The following PTBP3 variants were observed in gnomAD, a reference collection of about 807,000 sequenced individuals.
PTBP3 encodes the protein polypyrimidine tract binding protein 3.
A neutral mutation model predicts 58.7 loss-of-function variants in PTBP3; 20 were observed. The ratio of observed to expected loss-of-function variants is 0.34; its 90% CI spans 0.24 to 0.50. PTBP3 has a LOEUF of 0.50. Ranked by LOEUF, PTBP3 falls within the 20% of genes least tolerant of loss-of-function variation. The pLI, the probability that PTBP3 is intolerant of heterozygous loss-of-function variation, is 0.98. For synonymous variants in PTBP3, 185 were observed against 219.8 expected (o/e 0.84, Z 1.40); for missense variants, 509 against 637.2 (o/e 0.80, Z 2.17).
chr9:112,240,301 T>C (rs1329865872), intron 7 of PTBP3, among the ~76,000 whole-genome samples: 1 of 152,142 alleles, frequency 6.6e-6, no homozygotes, highest in Non-Finnish European at 1.5e-5. Flanking sequence ...ATTATGTATA[T>C]CTATCTATGT....
chr9:112,275,652 A>C (rs1307434952), intron 3 of PTBP3, among the ~76,000 whole-genome samples, 192 bp downstream of exon 3: 2 of 152,172 alleles, frequency 1.3e-5, no homozygotes, highest in Non-Finnish European at 2.9e-5. Flanking sequence ...TGGATAAGAG[A>C]AATCCTGTTT....
At chr9:112,307,548 C>T (rs762464585) in intron 1 of PTBP3, among the ~76,000 whole-genome samples, 1 of 152,128 alleles carries the variant, frequency 6.6e-6, no homozygotes, top group Non-Finnish European at 1.5e-5. Flanking sequence ...GTTTCTGAAG[C>T]AATTATGACA....
At chr9:112,333,135 C>T in intron 1 of PTBP3, 14 of 1,248,268 alleles carry the variant, frequency 1.1e-5, no homozygotes, top group South Asian at 3.0e-5. Flanking sequence ...GGAGGCCGAG[C>T]TGGGCTCCCC....
At chr9:112,365,116 C>T in the PTBP3 span, among the ~76,000 whole-genome samples, 1 of 152,192 alleles carries the variant, frequency 6.6e-6, no homozygotes, top group Non-Finnish European at 1.5e-5. Flanking sequence ...GACAGGATTT[C>T]TTTCTTCTTT....
the PTBP3 span, among the ~76,000 whole-genome samples, chr9:112,345,151 A>G: frequency 6.6e-6 from 1 of 151,910 alleles, no homozygotes; most frequent in Non-Finnish European, 1.5e-5. Context: ...AGAGCTATAT[A>G]CTTTAAAATG....
intron 1 of PTBP3, among the ~76,000 whole-genome samples, chr9:112,315,294 C>T (rs1190368124): frequency 6.7e-6 from 1 of 149,672 alleles, no homozygotes; most frequent in Non-Finnish European, 1.5e-5. Context: ...AAGTAGTAAG[C>T]TTTAAAAAAA....
the PTBP3 span, among the ~76,000 whole-genome samples, chr9:112,352,119 C>T: frequency 2.0e-5 from 3 of 151,962 alleles, no homozygotes; most frequent in African/African-American, 7.3e-5. Context: ...AAGGGTCTCA[C>T]CATGTTGCCC....
At chr9:112,233,270 A>AGG (rs1303781431) in intron 8 of PTBP3, among the ~76,000 whole-genome samples, 2 of 99,696 alleles carry the variant, frequency 2.0e-5, no homozygotes, top group Non-Finnish European at 3.8e-5. Context: ...GCTACACTGT[A>AGG]GGGTGTGTGT....
intron 7 of PTBP3, among the ~76,000 whole-genome samples, chr9:112,248,233 T>C (rs1835963800): frequency 6.6e-6 from 1 of 152,048 alleles, no homozygotes; most frequent in African/African-American, 2.4e-5. Flanking sequence ...AAAAGTATCA[T>C]TAAGAGAATA....
At chr9:112,365,945 G>C in the PTBP3 span, among the ~76,000 whole-genome samples, 2 of 152,150 alleles carry the variant, frequency 1.3e-5, no homozygotes, top group South Asian at 4.1e-4. Flanking sequence ...GTGACAATGC[G>C]ATAGAAAAGA....
chr9:112,285,319 A>G (rs1828066323), intron 2 of PTBP3, among the ~76,000 whole-genome samples: 1 of 152,198 alleles, frequency 6.6e-6, no homozygotes, highest in African/African-American at 2.4e-5. Context: ...CATGATTGTA[A>G]GTTTCCTGAG....
At chr9:112,232,360 T>C in intron 8 of PTBP3, 122 bp from the exon 9 acceptor site, 1 of 1,060,782 alleles carries the variant, frequency 9.4e-7, no homozygotes, top group Non-Finnish European at 1.3e-6. Context: ...AAGGCTACCA[T>C]AAAGATACTG....
chr9:112,367,638 G>T, the PTBP3 span, among the ~76,000 whole-genome samples: 1 of 152,122 alleles, frequency 6.6e-6, no homozygotes, highest in Admixed American at 6.5e-5. Flanking sequence ...GGCCTGCAAG[G>T]TTTCTACTGA....
chr9:112,356,537 G>A, the PTBP3 span, among the ~76,000 whole-genome samples: 4 of 150,590 alleles, frequency 2.7e-5, no homozygotes, highest in Admixed American at 6.7e-5. Context: ...CAACTCTTTG[G>A]TGAAGAGTTG....
At chr9:112,257,120 T>C (rs555683178) in intron 5 of PTBP3, among the ~76,000 whole-genome samples, 49 of 152,318 alleles carry the variant, frequency 3.2e-4, no homozygotes, top group Non-Finnish European at 5.9e-4. Flanking sequence ...CTGGGACAGC[T>C]TGGTGTTTTG....
At chr9:112,309,510 TGTG>T (rs1160476696) in intron 1 of PTBP3, among the ~76,000 whole-genome samples, 14 of 152,032 alleles carry the variant, frequency 9.2e-5, no homozygotes, top group Admixed American at 2.0e-4. Flanking sequence ...ACAGGCCGGG[TGTG>T]GTGGCTCACT....
chr9:112,289,120 A>G (rs1316913315), intron 2 of PTBP3, among the ~76,000 whole-genome samples: 1 of 152,252 alleles, frequency 6.6e-6, no homozygotes, highest in Non-Finnish European at 1.5e-5. Context: ...GGATGTAAAC[A>G]AAAATGATAC....
chr9:112,323,094 T>G lies in PTBP3; in HGVS notation c.-52+10376A>C, dbSNP rs115292452. Among the ~76,000 whole-genome samples the G allele has an allele frequency of 8.7e-3, 1,329 of 152,242 alleles. 23 individuals are homozygous for G. Among genetic ancestry groups the G allele is most frequent in the African/African-American group, 0.03 (1,265 of 41,536 alleles). On this transcript the variant is annotated intron_variant, in intron 1 of 13. Coordinates refer to ENST00000374257, the MANE Select transcript of PTBP3 (RefSeq NM_001163788.4). ...GAAACCCAGTCTCCACAAAAAAAAT[T>G]GTTTAAAATTAGCCGGGCATGGTGC... is the stretch of plus-strand genomic sequence containing the variant.
rs1828368947 is a variant in PTBP3 at position 112,290,699 on chromosome 9, TATATATATACACACAC to T, written c.34+7117_34+7132del. Among the ~76,000 whole-genome samples, 6 of 64,600 alleles carry T rather than the reference TATATATATACACACAC, an allele frequency of 9.3e-5. No homozygotes were observed. The South Asian group carries it at 3.1e-3, about 34-fold the overall frequency. The allele number at this position is 64,600 out of a possible 152,430, so 42.4% of individuals were successfully genotyped here. A position where few individuals can be genotyped will look rare whatever the true frequency, so the allele number is the denominator to read the frequency against. ...AAAAAAAAAAAAAAATATATATATATATATATATACACACACACACACACACACACACACACACAAT... is the reference window on the plus strand; with the variant it reads ...AAAAAAAAAAAAAAATATATATATATACACACACACACACACACACACAAT... On this transcript the variant is annotated intron_variant, in intron 2 of 13. Coordinates refer to ENST00000374257, the MANE Select transcript of PTBP3 (RefSeq NM_001163788.4).
Sources: allele counts gnomAD v4.1 joint callset (sites outside exome capture counted in the v4.1 genomes callset), GRCh38; gene constraint gnomAD v4.1.1; transcripts MANE v1.5; gene names NCBI Gene and HGNC (gene_info 2026-07-23, HGNC 2026-07-21).